The following CLASP2 variants were observed in gnomAD, a reference collection of about 807,000 sequenced individuals.
CLASP2 encodes cytoplasmic linker associated protein 2.
Under a neutral mutation model 194.4 loss-of-function variants are expected in CLASP2, and 47 were observed. That is an observed-to-expected ratio of 0.24 (90% CI 0.19 to 0.31). The LOEUF (loss-of-function observed/expected upper bound fraction) is 0.31. Among genes scored for constraint, CLASP2 ranks in the 10% least tolerant of loss-of-function variants. The pLI is 1.00. For missense variants in CLASP2, 1,445 were observed against 1,823.6 expected, an observed-to-expected ratio of 0.79 and a Z score of 3.78; for synonymous variants, 619 against 633.5, an observed-to-expected ratio of 0.98 and a Z score of 0.34.
At chr3:33,556,118 T>C (rs1236992393) in intron 29 of CLASP2, among the ~76,000 whole-genome samples, 1 of 152,200 alleles carries the variant, frequency 6.6e-6, no homozygotes, top group African/African-American at 2.4e-5. Flanking sequence ...ATCTTTAAAG[T>C]ATTACTAATT....
At chr3:33,529,667 C>T (rs1424946105) in intron 34 of CLASP2, among the ~76,000 whole-genome samples, 1 of 152,152 alleles carries the variant, frequency 6.6e-6, no homozygotes, top group Non-Finnish European at 1.5e-5. Context: ...CACTGTCTTC[C>T]ACCTCCACAT....
chr3:33,655,627 T>C (rs1575325952), intron 7 of CLASP2, among the ~76,000 whole-genome samples: 1 of 152,198 alleles, frequency 6.6e-6, no homozygotes, highest in East Asian at 1.9e-4. Flanking sequence ...CTTTCATTAA[T>C]TTAAATTACC....
At chr3:33,521,319 A>G (rs898531021) in intron 34 of CLASP2, among the ~76,000 whole-genome samples, 2 of 152,236 alleles carry the variant, frequency 1.3e-5, no homozygotes, top group African/African-American at 4.8e-5. Flanking sequence ...ACACTTAATT[A>G]CAAAAAGAAA....
intron 34 of CLASP2, among the ~76,000 whole-genome samples, chr3:33,529,431 G>A (rs1040041671): frequency 6.6e-5 from 10 of 152,094 alleles, no homozygotes; most frequent in African/African-American, 2.2e-4. Context: ...TATACTACAA[G>A]GATACAGTAA....
Position 33,584,176 on chromosome 3 carries a change from A to G in CLASP2, c.2239+574T>C, listed in dbSNP as rs565211333. Among the ~76,000 whole-genome samples the G allele has an allele frequency of 1.5e-4, 23 of 152,200 alleles. No homozygotes were observed. In the East Asian group the frequency reaches 3.7e-3, roughly 24 times the overall value. On this transcript the variant is annotated intron_variant, in intron 22 of 38. Coordinates refer to ENST00000682230, the MANE Select transcript of CLASP2 (RefSeq NM_001365631.1). ...CAAGAAACTGTGTATATATGTGTATATGTGATAAATATGTTATAAAATTCC... is the reference window on the plus strand; with the variant it reads ...CAAGAAACTGTGTATATATGTGTATGTGTGATAAATATGTTATAAAATTCC...
chr3:33,707,787 G>C (rs1401268670), intron 1 of CLASP2, among the ~76,000 whole-genome samples: 1 of 152,142 alleles, frequency 6.6e-6, no homozygotes, highest in Non-Finnish European at 1.5e-5. Flanking sequence ...AAACCGGCAA[G>C]ATCCAGACTG....
At chr3:33,687,438 A>C (rs2154346563) in intron 4 of CLASP2, among the ~76,000 whole-genome samples, 1 of 152,360 alleles carries the variant, frequency 6.6e-6, no homozygotes, top group African/African-American at 2.4e-5. Flanking sequence ...ACCTATGAAT[A>C]ACTTAAGAAA....
chr3:33,608,711 C>A, intron 13 of CLASP2, 85 bp from the exon 14 acceptor site: 2 of 733,452 alleles, frequency 2.7e-6, no homozygotes, highest in South Asian at 2.0e-5. Context: ...ACTTTGCCCC[C>A]TAAATTAAAG....
intron 2 of CLASP2, among the ~76,000 whole-genome samples, chr3:33,695,236 TTTTTG>T (rs1453743518): frequency 4.8e-5 from 7 of 145,446 alleles, no homozygotes; most frequent in Non-Finnish European, 9.1e-5. Context: ...TTTTTTTTTT[TTTTTG>T]GTAGAAACAT....
intron 34 of CLASP2, among the ~76,000 whole-genome samples, chr3:33,526,467 A>T (rs185888237): frequency 6.6e-6 from 1 of 151,884 alleles, no homozygotes; most frequent in East Asian, 1.9e-4. Context: ...ACAGGAGCAC[A>T]CAGATTCATA....
intron 8 of CLASP2, among the ~76,000 whole-genome samples, chr3:33,634,869 A>G (rs959985689): frequency 6.6e-6 from 1 of 152,218 alleles, no homozygotes; most frequent in African/African-American, 2.4e-5. Flanking sequence ...ATATACAAAA[A>G]TCGATTTCAT....
chr3:33,592,458 T>C lies in CLASP2; in HGVS notation c.2005A>G (p.Met669Val), dbSNP rs773840527. Residue 669 changes from methionine (M) to valine (V), a missense_variant, in exon 21 of 39, where the codon ATG (methionine) becomes GTG (valine). Met to Val is a conservative substitution (Grantham distance 21). Around this residue, in one of 4 missense-constraint regions of CLASP2, gnomAD observed 174 missense variants for 179.0 expected, o/e 0.97. Coordinates refer to ENST00000682230, the MANE Select transcript of CLASP2 (RefSeq NM_001365631.1). ...RAKLSAPLAG[M>V]GNAKADSRGR... ...CTAGAATCTGCCTTGGCATTTCCCA[T>C]GCCAGCAAGTGGTGCTGAAAGTTTT... The C allele has an allele frequency of 2.5e-5, 40 of 1,613,686 alleles. No homozygotes were observed. The highest frequency in any genetic ancestry group is 3.2e-5 in the Non-Finnish European group (38 of 1,179,816).
chr3:33,565,306 G>A (rs993948636), intron 27 of CLASP2, among the ~76,000 whole-genome samples: 1 of 151,986 alleles, frequency 6.6e-6, no homozygotes, highest in African/African-American at 2.4e-5. Context: ...AGCCTTCTGT[G>A]TAGGTAGGAT....
intron 26 of CLASP2, 148 bp downstream of exon 26, chr3:33,570,579 A>T: frequency 1.0e-6 from 1 of 963,868 alleles, no homozygotes; most frequent in Non-Finnish European, 1.6e-6. Context: ...TTTCTAAATT[A>T]CGTATGATAC....
At chr3:33,572,529 G>T (rs1576606207) in intron 25 of CLASP2, among the ~76,000 whole-genome samples, 2 of 152,034 alleles carry the variant, frequency 1.3e-5, no homozygotes, top group Admixed American at 1.3e-4. Context: ...GTCAACTATA[G>T]GTTTAAAACA....
chr3:33,598,955 AAT>A (rs1237158975), intron 18 of CLASP2, among the ~76,000 whole-genome samples: 9 of 152,334 alleles, frequency 5.9e-5, no homozygotes, highest in African/African-American at 1.9e-4. Context: ...GCTGCCAAAA[AAT>A]TCAGTACTTT....
intron 12 of CLASP2, among the ~76,000 whole-genome samples, chr3:33,618,642 A>G (rs2076612441): frequency 6.6e-6 from 1 of 152,096 alleles, no homozygotes; most frequent in African/African-American, 2.4e-5. Flanking sequence ...GTGAGACTCT[A>G]TCTCAAAATA....
intron 1 of CLASP2, among the ~76,000 whole-genome samples, chr3:33,715,847 T>TAAAA (rs59528446): frequency 2.9e-4 from 18 of 62,164 alleles, no homozygotes; most frequent in Middle Eastern, 0.014. Flanking sequence ...GTATCTTAAG[T>TAAAA]AAAAAAAAAA....
intron 1 of CLASP2, 38 bp from the exon 2 acceptor site, chr3:33,696,971 T>G (rs776613301): frequency 9.4e-7 from 1 of 1,058,706 alleles, no homozygotes; most frequent in Admixed American, 2.2e-5. Context: ...TATAAATTAC[T>G]GATGCATACT....
Sources: allele counts gnomAD v4.1 joint callset (sites outside exome capture counted in the v4.1 genomes callset), GRCh38; gene constraint gnomAD v4.1.1; regional missense constraint gnomAD v4.1.1; transcripts MANE v1.5; gene names NCBI Gene and HGNC (gene_info 2026-07-23, HGNC 2026-07-21).